The following ENAH variants were observed in gnomAD, a reference collection of about 807,000 sequenced individuals.
ENAH encodes the protein protein enabled homolog.
Under a neutral mutation model 78.7 loss-of-function variants are expected in ENAH, and 23 were observed. The observed-to-expected ratio is 0.29, with a 90% CI of 0.21 to 0.41. The LOEUF is 0.41. Ranked by LOEUF, ENAH falls within the 10% of genes least tolerant of loss-of-function variation. The pLI, the probability that ENAH is intolerant of heterozygous loss-of-function variation, is 1.00. For synonymous variants in ENAH, 226 were observed against 241.0 expected (o/e 0.94, Z 0.58); for missense variants, 544 against 691.0 (o/e 0.79, Z 2.39).
intron 9 of ENAH, among the ~76,000 whole-genome samples, chr1:225,512,127 T>C (rs949994450): frequency 6.6e-6 from 1 of 152,102 alleles, no homozygotes; most frequent in African/African-American, 2.4e-5. Flanking sequence ...GAGAGACAGA[T>C]TTGAGGAATG....
At chr1:225,548,080 T>C (rs189573671) in intron 3 of ENAH, among the ~76,000 whole-genome samples, 52 of 152,082 alleles carry the variant, frequency 3.4e-4, no homozygotes, top group Admixed American at 9.8e-4. Flanking sequence ...TTAATTTGTC[T>C]ATAGAAAAAA....
chr1:225,621,711 T>C (rs1392334466), intron 1 of ENAH, among the ~76,000 whole-genome samples: 2 of 152,150 alleles, frequency 1.3e-5, no homozygotes, highest in African/African-American at 4.8e-5. Flanking sequence ...AATACAAACA[T>C]TTCCCACCTG....
chr1:225,594,930 A>G (rs890015105), intron 1 of ENAH, among the ~76,000 whole-genome samples: 2 of 152,242 alleles, frequency 1.3e-5, no homozygotes, highest in Non-Finnish European at 2.9e-5. Context: ...AAGAAAAAAT[A>G]GGTATACAGA....
intron 1 of ENAH, among the ~76,000 whole-genome samples, chr1:225,633,826 A>C (rs1286167633): frequency 6.6e-6 from 1 of 152,176 alleles, no homozygotes; most frequent in South Asian, 2.1e-4. Context: ...CATTACCCAA[A>C]GGTTAGCCTC....
At chr1:225,543,846 A>G (rs958657600) in intron 3 of ENAH, among the ~76,000 whole-genome samples, 7 of 152,236 alleles carry the variant, frequency 4.6e-5, no homozygotes, top group African/African-American at 1.7e-4. Flanking sequence ...CTTCAAAGAT[A>G]CTGCTATTCA....
chr1:225,630,112 C>T (rs978727219), intron 1 of ENAH, among the ~76,000 whole-genome samples: 1 of 152,014 alleles, frequency 6.6e-6, no homozygotes, highest in African/African-American at 2.4e-5. Flanking sequence ...AAACTGCATC[C>T]TTTTGAAATA....
intron 6 of ENAH, among the ~76,000 whole-genome samples, chr1:225,516,890 A>T (rs1032173778): frequency 3.3e-5 from 5 of 151,976 alleles, no homozygotes; most frequent in South Asian, 2.1e-4. Flanking sequence ...ACAAAAAAAA[A>T]AAAGAAAAAA....
rs531823566 is a variant in ENAH at position 225,512,257 on chromosome 1, C to T, written c.1423-398G>A. Among the ~76,000 whole-genome samples, 6 of 152,358 alleles carry T rather than the reference C, an allele frequency of 3.9e-5. No homozygotes were observed. The East Asian group carries it at 1.2e-3, about 29-fold the overall frequency. On this transcript the variant is annotated intron_variant, in intron 9 of 13. Transcript: ENST00000366843. ...GGGAGGAGGGCATGAAGGTTACACTCTGAAGGGGCACAGCCAATAACCATC... is the reference window on the plus strand; with the variant it reads ...GGGAGGAGGGCATGAAGGTTACACTTTGAAGGGGCACAGCCAATAACCATC...
intron 1 of ENAH, among the ~76,000 whole-genome samples, chr1:225,603,337 A>C (rs563028856): frequency 2.0e-5 from 3 of 152,196 alleles, no homozygotes; most frequent in Non-Finnish European, 4.4e-5. Flanking sequence ...CTTGAGATAC[A>C]TACTTTAAAG....
intron 1 of ENAH, among the ~76,000 whole-genome samples, chr1:225,618,411 AG>A (rs1465882021): frequency 1.3e-5 from 2 of 152,240 alleles, no homozygotes; most frequent in Non-Finnish European, 2.9e-5. Flanking sequence ...AATTGGCCAC[AG>A]GGACTTCTTT....
rs1036915668 is a variant in ENAH, at chr1:225,487,164, C to CGAG, written c.*10610_*10611insCTC. On this transcript the variant is annotated 3_prime_UTR_variant, in exon 14 of 14. Transcript: ENST00000366843. ...GTTACATGAAATTGCATGCAATTCA[C>CGAG]ACAGAGAATCATTTTGAAGGCACTG... is the stretch of plus-strand genomic sequence containing the variant. The CGAG allele has an allele frequency of 6.2e-4, 94 of 152,376 alleles. No individual in the cohort carries two copies. The highest frequency in any genetic ancestry group is 2.2e-3 in the African/African-American group (93 of 41,584). The allele number at this position is 152,376 out of a possible 1,614,324, so 9.4% of individuals were successfully genotyped here. A position where few individuals can be genotyped will look rare whatever the true frequency, so the allele number is the denominator to read the frequency against.
intron 3 of ENAH, among the ~76,000 whole-genome samples, chr1:225,550,300 C>G (rs1443998382): frequency 6.6e-6 from 1 of 152,176 alleles, no homozygotes; most frequent in African/African-American, 2.4e-5. Context: ...ACACTACATT[C>G]GCAAGCTGTA....
chr1:225,555,598 A>C (rs812523), intron 2 of ENAH, among the ~76,000 whole-genome samples: 1 of 151,394 alleles, frequency 6.6e-6, no homozygotes, highest in African/African-American at 2.4e-5. Context: ...AAAAAAAGTA[A>C]ATCAGCAAAA....
chr1:225,514,898 T>A lies in ENAH; in HGVS notation c.916A>T (p.Ile306Phe). The change falls in exon 7 of 14, where the codon ATT becomes TTT. Residue 306 changes from isoleucine (I) to phenylalanine (F), a missense_variant and splice_region_variant. Physicochemically the swap from Ile to Phe is conservative, Grantham distance 21 (BLOSUM62 0). This residue lies in a region of ENAH where 366 missense variants were observed against 396.1 expected (regional missense o/e 0.92). Transcript: ENST00000366843. ...GGAGGTGCAAGTGGTCCCAAGACAA[T>A]GCCTGAGAGAGAGAAATGTTAAGTA... ...QPAETPSQQG[I>F]VLGPLAPPPP... The A allele has an allele frequency of 6.2e-7, 1 of 1,610,004 alleles. No individual in the cohort carries two copies. Among genetic ancestry groups the A allele is most frequent in the Non-Finnish European group, 8.5e-7 (1 of 1,178,720 alleles).
At chr1:225,549,997 T>C (rs1423706444) in intron 3 of ENAH, among the ~76,000 whole-genome samples, 2 of 152,200 alleles carry the variant, frequency 1.3e-5, no homozygotes, top group Admixed American at 1.3e-4. Context: ...CTTCAATGAC[T>C]CTTCACCACC....
In ENAH at chr1:225,524,609, G is replaced by A. The variant is rs1030670449; in HGVS notation, c.435-5044C>T. 43 of 985,358 alleles carry A rather than the reference G, an allele frequency of 4.4e-5. No individual in the cohort carries two copies. In the East Asian group the frequency reaches 2.2e-3, roughly 49 times the overall value. 61.0% of individuals were successfully genotyped at this position (985,358 alleles called of 1,614,324 possible). A position where few individuals can be genotyped will look rare whatever the true frequency, so the allele number is the denominator to read the frequency against. On this transcript the variant is annotated intron_variant, in intron 4 of 13. Transcript: ENST00000366843. ...AGAGTTGATACTCACAAGAGAAGGCGGTCAACTTTTGGTCCATCCGGCCTC... is the reference window on the plus strand; with the variant it reads ...AGAGTTGATACTCACAAGAGAAGGCAGTCAACTTTTGGTCCATCCGGCCTC...
At position 225,519,507 on chromosome 1, in the gene ENAH, T is replaced by G. The variant is rs1283662154; in HGVS notation, c.493A>C (p.Arg165=). 6 of 1,612,570 alleles carry G rather than the reference T, an allele frequency of 3.7e-6. No homozygotes were observed. Among genetic ancestry groups the G allele is most frequent in the Non-Finnish European group, 5.1e-6 (6 of 1,179,252 alleles). Residue 165 remains arginine (R), a synonymous_variant, in exon 5 of 14, where the codon AGA becomes CGA. Coordinates refer to ENST00000366843, the MANE Select transcript of ENAH (RefSeq NM_018212.6). ...CTCTCCAACCTTTCTCTTTCCATTC[T>G]TTCTCGCTCCAGCCTTTCCCGCTCC... is the stretch of plus-strand genomic sequence containing the variant. ...ELERERLERE[R]MERERLERER...
At chr1:225,588,729 T>C (rs907609387) in intron 1 of ENAH, among the ~76,000 whole-genome samples, 9 of 136,704 alleles carry the variant, frequency 6.6e-5, no homozygotes, top group Non-Finnish European at 1.2e-4. Context: ...CGCCTGAACA[T>C]GGGAGGCGGA....
chr1:225,545,893 AT>A (rs2096610589), intron 3 of ENAH, among the ~76,000 whole-genome samples: 1 of 148,602 alleles, frequency 6.7e-6, no homozygotes, highest in Admixed American at 6.8e-5. Flanking sequence ...AGCTCTAATG[AT>A]TAGGACATCT....
Sources: gnomAD v4.1 joint callset for allele counts (sites outside exome capture counted in the v4.1 genomes callset) on GRCh38, gnomAD v4.1.1 for gene constraint, gnomAD v4.1.1 regional missense constraint, MANE v1.5 for transcripts, NCBI Gene and HGNC (gene_info 2026-07-23, HGNC 2026-07-21) for gene names.